Variants in NUBPL observed in about 807,000 individuals in gnomAD.
The protein encoded by NUBPL is iron-sulfur cluster transfer protein NUBPL.
NUBPL carries 31 observed loss-of-function variants against 45.7 expected under a neutral mutation model. That is an observed-to-expected ratio of 0.68 (90% CI 0.51 to 0.92). The LOEUF is 0.92. Ranked by LOEUF, NUBPL falls within the 40% of genes least tolerant of loss-of-function variation. The pLI is 0.00. For synonymous variants in NUBPL, 144 were observed against 140.9 expected, an observed-to-expected ratio of 1.02 and a Z score of -0.15; for missense variants, 401 against 398.7, an observed-to-expected ratio of 1.01 and a Z score of -0.05.
intron 6 of NUBPL, among the ~76,000 whole-genome samples, chr14:31,742,403 C>G (rs1445585808): frequency 6.6e-6 from 1 of 152,110 alleles, no homozygotes; most frequent in Non-Finnish European, 1.5e-5. Flanking sequence ...ACCTGGGATT[C>G]TTGTTAAGAT....
chr14:31,583,896 C>T (rs1253943249), intron 3 of NUBPL, among the ~76,000 whole-genome samples: 2 of 152,072 alleles, frequency 1.3e-5, no homozygotes, highest in African/African-American at 4.8e-5. Context: ...AGGTTCTTGA[C>T]TGTACAACTG....
chr14:31,669,590 T>C (rs55814060), intron 4 of NUBPL, among the ~76,000 whole-genome samples: 45,887 of 151,778 alleles, frequency 0.3, 7,668 homozygotes, highest in South Asian at 0.41. Flanking sequence ...ACTCAATAGT[T>C]ATATTTTTTC....
In NUBPL at chr14:31,601,191, G is replaced by A. The variant is rs570078453; in HGVS notation, c.382+1812G>A. On this transcript the variant is annotated intron_variant, in intron 4 of 10. Coordinates refer to ENST00000281081, the MANE Select transcript of NUBPL (RefSeq NM_025152.3). ...ATAGTTTGAAGTCAGGTAGCGTGAT[G>A]CCTCCAGCTTTGTTCTTTTGGCTCA... Among the ~76,000 whole-genome samples, 3 of 152,300 alleles carry A rather than the reference G, an allele frequency of 2.0e-5. No homozygotes were observed. The East Asian group carries it at 5.8e-4, about 29-fold the overall frequency.
intron 4 of NUBPL, among the ~76,000 whole-genome samples, chr14:31,617,729 G>T (rs1399935294): frequency 1.3e-5 from 2 of 152,046 alleles, no homozygotes; most frequent in Non-Finnish European, 2.9e-5. Context: ...ATATAGGCTT[G>T]AAATTTTCTT....
intron 8 of NUBPL, among the ~76,000 whole-genome samples, chr14:31,840,355 C>T (rs1232816810): frequency 1.3e-5 from 2 of 152,080 alleles, no homozygotes; most frequent in South Asian, 2.1e-4. Context: ...AGATGGATCA[C>T]GAGGTCAGGA....
At chr14:31,644,546 G>A (rs138893536) in intron 4 of NUBPL, among the ~76,000 whole-genome samples, 9 of 152,050 alleles carry the variant, frequency 5.9e-5, no homozygotes, top group African/African-American at 2.2e-4. Flanking sequence ...TTTTGTATTT[G>A]TTGAGACTTG....
chr14:31,761,205 G>T (rs1212894463), intron 6 of NUBPL, among the ~76,000 whole-genome samples: 3 of 151,924 alleles, frequency 2.0e-5, no homozygotes, highest in African/African-American at 7.3e-5. Flanking sequence ...TTGGAGATCA[G>T]TCTCACTCTG....
chr14:31,852,617 G>C (rs963192280), intron 10 of NUBPL, among the ~76,000 whole-genome samples: 4 of 152,176 alleles, frequency 2.6e-5, no homozygotes, highest in Non-Finnish European at 4.4e-5. Context: ...GTTGCAGTAA[G>C]CCGAGGTCAC....
chr14:31,570,173 G>GT (rs1363204195), intron 3 of NUBPL, among the ~76,000 whole-genome samples: 1 of 152,082 alleles, frequency 6.6e-6, no homozygotes, highest in East Asian at 1.9e-4. Context: ...ATTCACAAAT[G>GT]TTTAGTCTAT....
At chr14:31,651,974 T>C (rs2036019502) in intron 4 of NUBPL, among the ~76,000 whole-genome samples, 1 of 150,856 alleles carries the variant, frequency 6.6e-6, no homozygotes, top group South Asian at 2.1e-4. Flanking sequence ...GACATGCAAA[T>C]GACCCATAGG....
At chr14:31,658,625 A>G (rs1002748054) in intron 4 of NUBPL, among the ~76,000 whole-genome samples, 9 of 151,616 alleles carry the variant, frequency 5.9e-5, no homozygotes, top group African/African-American at 2.2e-4. Context: ...TGATTCTCCC[A>G]CCTCAGCCTC....
chr14:31,598,194 A>G (rs76289997), intron 3 of NUBPL, among the ~76,000 whole-genome samples: 5,284 of 152,246 alleles, frequency 0.035, 297 homozygotes, highest in African/African-American at 0.12. Context: ...CTGCAGTTTT[A>G]GTCAGTATAA....
At chr14:31,749,693 T>G (rs2038479163) in intron 6 of NUBPL, among the ~76,000 whole-genome samples, 1 of 152,192 alleles carries the variant, frequency 6.6e-6, no homozygotes, top group South Asian at 2.1e-4. Flanking sequence ...CCTTTTTGGC[T>G]TGATTCTATT....
chr14:31,713,658 G>A (rs2037625765), intron 6 of NUBPL, among the ~76,000 whole-genome samples: 1 of 152,118 alleles, frequency 6.6e-6, no homozygotes, highest in African/African-American at 2.4e-5. Flanking sequence ...CAACCCGTAG[G>A]AAATTTTTCT....
chr14:31,656,864 T>C (rs1324185498), intron 4 of NUBPL, among the ~76,000 whole-genome samples: 2 of 152,160 alleles, frequency 1.3e-5, no homozygotes, highest in Non-Finnish European at 2.9e-5. Context: ...AACCTTTGAT[T>C]TGTAAAAAAT....
intron 3 of NUBPL, among the ~76,000 whole-genome samples, chr14:31,584,077 C>G (rs555896920): frequency 1.4e-4 from 21 of 152,262 alleles, no homozygotes; most frequent in Non-Finnish European, 1.5e-4. Flanking sequence ...TACCGTTTTA[C>G]CTACTATTAA....
rs1356329110 is a variant in NUBPL, at chr14:31,629,546, T to TA, written c.382+30168dup. Among the ~76,000 whole-genome samples the TA allele has an allele frequency of 3.9e-5, 6 of 152,306 alleles. No homozygotes were observed. The South Asian group carries it at 1.0e-3, about 26-fold the overall frequency. On this transcript the variant is annotated intron_variant, in intron 4 of 10. Transcript: ENST00000281081. ...TCATGTTGGAATATAGTCTATAAGA[T>TA]ACAAAAGTTGTCCTCAAGCTACTTG...
chr14:31,610,925 T>TA (rs2034739854), intron 4 of NUBPL, among the ~76,000 whole-genome samples: 1 of 152,138 alleles, frequency 6.6e-6, no homozygotes, highest in African/African-American at 2.4e-5. Flanking sequence ...AGAAGGAACA[T>TA]ACCTCAACAT....
At chr14:31,791,034 C>T (rs892845475) in intron 7 of NUBPL, among the ~76,000 whole-genome samples, 2 of 151,910 alleles carry the variant, frequency 1.3e-5, no homozygotes, top group East Asian at 1.9e-4. Context: ...TTTAGGAGGC[C>T]GAGGCAGGAG....
Sources: allele counts gnomAD v4.1 joint callset (sites outside exome capture counted in the v4.1 genomes callset), GRCh38; gene constraint gnomAD v4.1.1; transcripts MANE v1.5; gene names NCBI Gene and HGNC (gene_info 2026-07-23, HGNC 2026-07-21).